MAGI1: variants seen among roughly 807,000 people sequenced by gnomAD.
MAGI1 encodes the protein membrane-associated guanylate kinase, WW and PDZ domain-containing protein 1.
In MAGI1, 58 loss-of-function variants were observed where a neutral mutation model predicts 139.9. That is an observed-to-expected ratio of 0.41 (90% CI 0.34 to 0.52). The LOEUF (loss-of-function observed/expected upper bound fraction) is 0.52, where lower values mean the gene tolerates loss of function less well. MAGI1 is among the 20% of genes least tolerant of loss of function. The pLI is 0.12. For synonymous variants in MAGI1, 812 were observed against 737.9 expected (o/e 1.10, Z -1.63); for missense variants, 1,874 against 1,901.6 (o/e 0.99, Z 0.27).
intron 1 of MAGI1, among the ~76,000 whole-genome samples, chr3:65,818,767 A>G (rs2041766564): frequency 6.6e-6 from 1 of 152,194 alleles, no homozygotes; most frequent in Non-Finnish European, 1.5e-5. Context: ...CGAGGGCACC[A>G]GATTTGAGTT....
chr3:65,429,522 C>T lies in MAGI1; in HGVS notation c.2165G>A (p.Gly722Glu). ...AAGAACAAAACAACCCTACTTACCT[C>T]CTCGTTGCACCAACAATGTGACCTC... ...GSEVTLLVQR[G>E]GLPVPKKSPK... Residue 722 changes from glycine to glutamate, a missense_variant and splice_region_variant, in exon 12 of 23, where the codon GGA becomes GAA. Transcript: ENST00000402939. 1 of 1,605,734 alleles carries T rather than the reference C, an allele frequency of 6.2e-7. No individual in the cohort carries two copies. Among genetic ancestry groups the T allele is most frequent in the Non-Finnish European group, 8.5e-7 (1 of 1,174,546 alleles).
chr3:65,720,994 AGTCTCCCAAAGGGTTGGGATTTCAGGT>A (rs1051434136), intron 1 of MAGI1, among the ~76,000 whole-genome samples: 2 of 151,900 alleles, frequency 1.3e-5, no homozygotes, highest in African/African-American at 4.8e-5. Flanking sequence ...TGCCCACCTC[AGTCTCCCAAAGGGTTGGGATTTCAGGT>A]GTGAAATCCC....
At chr3:65,990,161 C>T (rs989486394) in intron 1 of MAGI1, among the ~76,000 whole-genome samples, 1 of 151,958 alleles carries the variant, frequency 6.6e-6, no homozygotes, top group Non-Finnish European at 1.5e-5. Flanking sequence ...GTGAGATTAA[C>T]GTGAGGCAGG....
intron 3 of MAGI1, among the ~76,000 whole-genome samples, chr3:65,482,498 T>C (rs1266492683): frequency 3.9e-5 from 6 of 152,182 alleles, no homozygotes; most frequent in Non-Finnish European, 8.8e-5. Context: ...ACTCAGTCTC[T>C]CTAGTACTTT....
rs545074824 is a variant in MAGI1, at chr3:65,646,464, A to ATC, written c.314-24378_314-24377dup. On this transcript the variant is annotated intron_variant, in intron 1 of 22. Transcript: ENST00000402939. Reference sequence around the variant, plus strand: ...AACAATCGTTGTTAGAGACTTTAACATCTCTCTCTCTTTCTCTCTCTCAAT... The same window carrying ATC: ...AACAATCGTTGTTAGAGACTTTAACATCTCTCTCTCTCTTTCTCTCTCTCAAT... 3.9e-3 allele frequency among the ~76,000 whole-genome samples: 591 copies of ATC among 152,254 alleles called. 8 individuals carry two copies. Among genetic ancestry groups the ATC allele is most frequent in the African/African-American group, 0.014 (568 of 41,564 alleles).
intron 1 of MAGI1, among the ~76,000 whole-genome samples, chr3:65,800,154 G>T (rs777416305): frequency 6.6e-6 from 1 of 152,106 alleles, no homozygotes; most frequent in Non-Finnish European, 1.5e-5. Flanking sequence ...TTCTAGTGGC[G>T]AACAGGTGAC....
At chr3:65,961,068 T>C (rs1182222816) in intron 1 of MAGI1, among the ~76,000 whole-genome samples, 1 of 152,170 alleles carries the variant, frequency 6.6e-6, no homozygotes, top group East Asian at 1.9e-4. Flanking sequence ...TCAACTAACA[T>C]GAAATCCCGG....
intron 5 of MAGI1, among the ~76,000 whole-genome samples, chr3:65,457,053 T>C (rs1023661912): frequency 6.6e-6 from 1 of 152,202 alleles, no homozygotes; most frequent in Non-Finnish European, 1.5e-5. Context: ...TCCATTTATA[T>C]TTTAGAATAA....
At chr3:65,454,369 T>C (rs1266140951) in intron 5 of MAGI1, among the ~76,000 whole-genome samples, 3 of 128,774 alleles carry the variant, frequency 2.3e-5, no homozygotes, top group Non-Finnish European at 3.3e-5. Flanking sequence ...CATCACACTC[T>C]GGGGACTGTT....
intron 1 of MAGI1, among the ~76,000 whole-genome samples, chr3:65,984,777 G>A (rs1048032012): frequency 1.6e-4 from 23 of 147,624 alleles, no homozygotes; most frequent in African/African-American, 5.7e-4. Flanking sequence ...TGAACTTCTG[G>A]GCCCAAGTGA....
chr3:65,510,529 C>A (rs1466165905), intron 2 of MAGI1, among the ~76,000 whole-genome samples: 1 of 148,340 alleles, frequency 6.7e-6, no homozygotes, highest in African/African-American at 2.5e-5. Context: ...GGAGCCGATG[C>A]GATCAACTGG....
chr3:65,697,217 T>C (rs1420761308), intron 1 of MAGI1, among the ~76,000 whole-genome samples: 1 of 152,032 alleles, frequency 6.6e-6, no homozygotes, highest in Admixed American at 6.6e-5. Flanking sequence ...GGAGCTGAAA[T>C]TGTGGCAATA....
intron 1 of MAGI1, among the ~76,000 whole-genome samples, chr3:65,680,107 A>G (rs2087476395): frequency 6.6e-6 from 1 of 152,190 alleles, no homozygotes; most frequent in Non-Finnish European, 1.5e-5. Context: ...AGCATCCTAT[A>G]GACAAAGGCC....
intron 1 of MAGI1, among the ~76,000 whole-genome samples, chr3:65,878,268 T>C (rs568513082): frequency 1.3e-5 from 2 of 151,984 alleles, no homozygotes; most frequent in East Asian, 2.0e-4. Flanking sequence ...TGTAATCCCA[T>C]CACTTTGGGA....
At chr3:65,827,362 A>T (rs1433002378) in intron 1 of MAGI1, among the ~76,000 whole-genome samples, 1 of 152,150 alleles carries the variant, frequency 6.6e-6, no homozygotes, top group Non-Finnish European at 1.5e-5. Context: ...TTTATTAATC[A>T]CTTTACACTA....
chr3:65,887,953 T>C (rs1357305864), intron 1 of MAGI1, among the ~76,000 whole-genome samples: 7 of 152,188 alleles, frequency 4.6e-5, no homozygotes, highest in Non-Finnish European at 1.0e-4. Flanking sequence ...ACCTGTATAT[T>C]ACACTCTCAA....
intron 2 of MAGI1, among the ~76,000 whole-genome samples, chr3:65,583,071 A>C (rs1224929332): frequency 6.6e-6 from 1 of 152,204 alleles, no homozygotes. Context: ...GAAATCAATA[A>C]AAAATTATTA....
At chr3:65,738,705 ATCAGAGCTCT>A (rs1321543116) in intron 1 of MAGI1, among the ~76,000 whole-genome samples, 1 of 152,226 alleles carries the variant, frequency 6.6e-6, no homozygotes, top group African/African-American at 2.4e-5. Flanking sequence ...GTACATCTCC[ATCAGAGCTCT>A]TGGGTGACCA....
chr3:65,640,584 A>G (rs1036227319), intron 1 of MAGI1, among the ~76,000 whole-genome samples: 1 of 152,164 alleles, frequency 6.6e-6, no homozygotes, highest in East Asian at 1.9e-4. Context: ...CTCCAGCTAC[A>G]TAGAAACCTG....
Sources: allele counts gnomAD v4.1 joint callset (sites outside exome capture counted in the v4.1 genomes callset), GRCh38; gene constraint gnomAD v4.1.1; transcripts MANE v1.5; gene names NCBI Gene and HGNC (gene_info 2026-07-23, HGNC 2026-07-21).